ZCWPW2: variants seen among roughly 807,000 people sequenced by gnomAD.
ZCWPW2 encodes the protein zinc finger CW-type PWWP domain protein 2.
In ZCWPW2, 45 loss-of-function variants were observed where a neutral mutation model predicts 46.6. The observed-to-expected ratio is 0.96, with a 90% CI of 0.76 to 1.24. ZCWPW2 has a LOEUF of 1.24. ZCWPW2 is among the 50% of genes most tolerant of loss of function. The probability of loss-of-function intolerance (pLI) is 0.00; values close to 1 mark genes in which losing one functional copy is unlikely to be tolerated. For missense variants in ZCWPW2, 429 were observed against 403.9 expected, an observed-to-expected ratio of 1.06 and a Z score of -0.53; for synonymous variants, 152 against 137.1, an observed-to-expected ratio of 1.11 and a Z score of -0.76.
At chr3:28,431,688 G>T (rs1043645978) in intron 3 of ZCWPW2, among the ~76,000 whole-genome samples, 1 of 152,006 alleles carries the variant, frequency 6.6e-6, no homozygotes, top group Admixed American at 6.6e-5. Context: ...TTTTTAATTT[G>T]CCAAAAACCA....
In ZCWPW2 at chr3:28,525,523, G is replaced by A. The variant is rs548065531; in HGVS notation, c.*835G>A. On this transcript the variant is annotated 3_prime_UTR_variant, in exon 10 of 10. Transcript: ENST00000383768. ...TGCTCTATCTCTTTCTGGTGGTACG[G>A]GGTGGGGAAAAGGGCATTCCAAGCA... 2.6e-5 allele frequency among the ~76,000 whole-genome samples: 4 copies of A among 151,998 alleles called. No individual in the cohort carries two copies. Among genetic ancestry groups the A allele is most frequent in the Admixed American group, 2.0e-4 (3 of 15,234 alleles).
intron 1 of ZCWPW2, among the ~76,000 whole-genome samples, chr3:28,381,181 C>G (rs1695092815): frequency 6.7e-6 from 1 of 148,942 alleles, no homozygotes; most frequent in Non-Finnish European, 1.5e-5. Flanking sequence ...AAATTCCTTA[C>G]TCATTTGTCC....
chr3:28,387,901 A>G (rs148151433), intron 1 of ZCWPW2, among the ~76,000 whole-genome samples: 4 of 152,168 alleles, frequency 2.6e-5, no homozygotes, highest in Non-Finnish European at 5.9e-5. Flanking sequence ...ATTTTCACTT[A>G]CCTTCTTCAT....
intron 3 of ZCWPW2, chr3:28,428,431 A>T (rs562938035): frequency 1.3e-5 from 2 of 152,226 alleles, no homozygotes; most frequent in South Asian, 4.2e-4. Context: ...GGAGCAACTG[A>T]ACATCTACTT....
intron 8 of ZCWPW2, 69 bp downstream of exon 8, chr3:28,515,690 C>T (rs1700543433): frequency 1.4e-6 from 2 of 1,382,460 alleles, no homozygotes; most frequent in Non-Finnish European, 2.0e-6. Context: ...TAGTTGTAGT[C>T]CTTTGAAGGA....
intron 3 of ZCWPW2, among the ~76,000 whole-genome samples, chr3:28,429,847 G>A (rs947814061): frequency 6.6e-6 from 1 of 152,222 alleles, no homozygotes. Context: ...CTTACACATG[G>A]TGTTGGGCCT....
At chr3:28,354,093 C>T (rs926308330) in intron 1 of ZCWPW2, among the ~76,000 whole-genome samples, 5 of 151,802 alleles carry the variant, frequency 3.3e-5, no homozygotes, top group African/African-American at 1.2e-4. Context: ...GGAGGTAAAA[C>T]GTATTAGAGA....
intron 6 of ZCWPW2, among the ~76,000 whole-genome samples, chr3:28,502,220 A>T (rs972200349): frequency 6.6e-6 from 1 of 152,138 alleles, no homozygotes; most frequent in Non-Finnish European, 1.5e-5. Context: ...AGTCTATAGG[A>T]GTTCTATAGG....
intron 5 of ZCWPW2, among the ~76,000 whole-genome samples, chr3:28,481,186 T>C (rs1699415059): frequency 6.6e-6 from 1 of 152,152 alleles, no homozygotes; most frequent in Admixed American, 6.6e-5. Context: ...CATTGATCTA[T>C]GGATATGACA....
intron 2 of ZCWPW2, among the ~76,000 whole-genome samples, chr3:28,397,749 G>C (rs1220937728): frequency 6.6e-6 from 1 of 152,178 alleles, no homozygotes; most frequent in African/African-American, 2.4e-5. Flanking sequence ...AATCAACACA[G>C]ACTTTTCTTA....
chr3:28,385,883 A>G (rs1021812209), intron 1 of ZCWPW2, among the ~76,000 whole-genome samples: 8 of 150,960 alleles, frequency 5.3e-5, no homozygotes, highest in African/African-American at 1.5e-4. Flanking sequence ...AGATTAACGT[A>G]ACCTTTTATT....
intron 2 of ZCWPW2, among the ~76,000 whole-genome samples, chr3:28,396,750 G>A (rs1695717387): frequency 6.6e-6 from 1 of 152,140 alleles, no homozygotes; most frequent in Admixed American, 6.5e-5. Context: ...TCATTCACAT[G>A]CAAACAATAA....
chr3:28,417,488 A>G (rs1199807733), intron 3 of ZCWPW2, among the ~76,000 whole-genome samples: 2 of 151,792 alleles, frequency 1.3e-5, no homozygotes, highest in African/African-American at 2.4e-5. Flanking sequence ...CAATAGAAAA[A>G]GAGGGAATCT....
chr3:28,370,510 A>T (rs1705291155), intron 1 of ZCWPW2, among the ~76,000 whole-genome samples: 1 of 152,220 alleles, frequency 6.6e-6, no homozygotes, highest in African/African-American at 2.4e-5. Context: ...ATGAAGATCA[A>T]AGCAGACAAA....
chr3:28,505,635 A>T (rs1025629424), intron 6 of ZCWPW2, among the ~76,000 whole-genome samples: 1 of 152,084 alleles, frequency 6.6e-6, no homozygotes, highest in African/African-American at 2.4e-5. Context: ...TTCTAAGCAG[A>T]TTTTTCAAAG....
At chr3:28,363,419 T>C (rs1705012428) in intron 1 of ZCWPW2, among the ~76,000 whole-genome samples, 1 of 152,194 alleles carries the variant, frequency 6.6e-6, no homozygotes, top group Non-Finnish European at 1.5e-5. Flanking sequence ...TTCTCATTCT[T>C]GGCAGATTGT....
intron 1 of ZCWPW2, among the ~76,000 whole-genome samples, chr3:28,385,702 G>A (rs773514979): frequency 1.6e-4 from 24 of 152,170 alleles, no homozygotes; most frequent in Non-Finnish European, 2.6e-4. Context: ...TTTCTATGGA[G>A]CTTTGTAGGA....
At chr3:28,458,432 A>T (rs1167874187) in intron 4 of ZCWPW2, among the ~76,000 whole-genome samples, 2 of 152,182 alleles carry the variant, frequency 1.3e-5, no homozygotes, top group Admixed American at 1.3e-4. Context: ...TACACAGCCA[A>T]CTTCTCTCTA....
chr3:28,366,700 A>G (rs1201308672), intron 1 of ZCWPW2, among the ~76,000 whole-genome samples: 1 of 152,026 alleles, frequency 6.6e-6, no homozygotes, highest in Admixed American at 6.6e-5. Flanking sequence ...ATTGATTGGA[A>G]TAGTTTCAGA....
Sources: gnomAD v4.1 joint callset for allele counts (sites outside exome capture counted in the v4.1 genomes callset) on GRCh38, gnomAD v4.1.1 for gene constraint, MANE v1.5 for transcripts, NCBI Gene and HGNC (gene_info 2026-07-23, HGNC 2026-07-21) for gene names.